The following CDYL variants were observed in gnomAD, a reference collection of about 807,000 sequenced individuals.
CDYL encodes the protein chromodomain Y like.
Under a neutral mutation model 47.3 loss-of-function variants are expected in CDYL, and 8 were observed. That is an observed-to-expected ratio of 0.17 (90% CI 0.10 to 0.31). The LOEUF is 0.31. CDYL is among the 10% of genes least tolerant of loss of function. The probability of loss-of-function intolerance (pLI) is 1.00; values close to 1 mark genes in which losing one functional copy is unlikely to be tolerated. For synonymous variants in CDYL, 266 were observed against 265.0 expected, an observed-to-expected ratio of 1.00 and a Z score of -0.04; for missense variants, 471 against 701.4, an observed-to-expected ratio of 0.67 and a Z score of 3.71.
At chr6:4,715,640 C>G in intron 1 of CDYL, 1 of 1,173,728 alleles carries the variant, frequency 8.5e-7, no homozygotes, top group South Asian at 1.8e-5. Context: ...GGCTCACTCT[C>G]AGATTCAATG....
At chr6:4,839,958 G>C (rs1760438830) in intron 1 of CDYL, among the ~76,000 whole-genome samples, 1 of 152,094 alleles carries the variant, frequency 6.6e-6, no homozygotes, top group Non-Finnish European at 1.5e-5. Flanking sequence ...TGTGAAGAAT[G>C]ATGGTGGTGT....
At chr6:4,714,089 C>T (rs909262180) in intron 1 of CDYL, 3 of 152,146 alleles carry the variant, frequency 2.0e-5, no homozygotes, top group African/African-American at 7.2e-5. Context: ...CAGATGCGAA[C>T]ACAGAGGGTT....
chr6:4,828,471 C>A (rs1449300848), intron 1 of CDYL, among the ~76,000 whole-genome samples: 4 of 152,074 alleles, frequency 2.6e-5, no homozygotes, highest in African/African-American at 9.7e-5. Flanking sequence ...TCCATGATTT[C>A]TGTTGAGAAA....
intron 1 of CDYL, among the ~76,000 whole-genome samples, chr6:4,842,038 T>TTA (rs1156803851): frequency 6.9e-6 from 1 of 144,900 alleles, no homozygotes; most frequent in African/African-American, 2.5e-5. Context: ...AATATATAAT[T>TTA]TATATATATT....
At chr6:4,875,428 A>C (rs1462305305) in intron 1 of CDYL, among the ~76,000 whole-genome samples, 5 of 152,114 alleles carry the variant, frequency 3.3e-5, no homozygotes, top group African/African-American at 1.2e-4. Context: ...ACAATATTTT[A>C]TTTGTCAACT....
chr6:4,819,862 C>G (rs1346969024), intron 1 of CDYL, among the ~76,000 whole-genome samples: 2 of 152,054 alleles, frequency 1.3e-5, no homozygotes, highest in Non-Finnish European at 2.9e-5. Context: ...ATAGGATGGC[C>G]CCACACCAAG....
chr6:4,788,269 C>T (rs1309132756), intron 1 of CDYL, among the ~76,000 whole-genome samples: 2 of 151,736 alleles, frequency 1.3e-5, no homozygotes, highest in Non-Finnish European at 2.9e-5. Flanking sequence ...GCAGGAGGAT[C>T]ACTTGAGGCC....
At chr6:4,822,178 G>C (rs1759858502) in intron 1 of CDYL, among the ~76,000 whole-genome samples, 1 of 151,564 alleles carries the variant, frequency 6.6e-6, no homozygotes, top group Admixed American at 6.6e-5. Flanking sequence ...TAGAGATGGG[G>C]TTGGCGGGGG....
At position 4,744,845 on chromosome 6, in the gene CDYL, C is replaced by CT. The variant is rs560667652; in HGVS notation, c.186+10011dup. Among the ~76,000 whole-genome samples, 14 of 150,148 alleles carry CT rather than the reference C, an allele frequency of 9.3e-5. No homozygotes were observed. In the South Asian group the frequency reaches 1.5e-3, roughly 16 times the overall value. ...AAATTGTTTGTAAAGTAGATTTGAG[C>CT]TTTTTTTTTTCTTCAAAGAAATGAC... On this transcript the variant is annotated intron_variant, in intron 3 of 8. Transcript: ENST00000328908.
rs547945490 is a variant in CDYL at position 4,725,925 on chromosome 6, A to T, written c.104-8837A>T. Among the ~76,000 whole-genome samples the T allele has an allele frequency of 2.6e-5, 4 of 151,968 alleles. No homozygotes were observed. In the South Asian group the frequency reaches 8.3e-4, roughly 32 times the overall value. ...TCCAAAATGTGTCCATTTTTGTCAAAGCCAAAAACAAAAGAGCAAATTACC... is the reference window on the plus strand; with the variant it reads ...TCCAAAATGTGTCCATTTTTGTCAATGCCAAAAACAAAAGAGCAAATTACC... On this transcript the variant is annotated intron_variant, in intron 2 of 8. Coordinates refer to the CDYL transcript ENST00000328908.
At chr6:4,713,674 G>C (rs1341231586) in intron 1 of CDYL, among the ~76,000 whole-genome samples, 2 of 149,746 alleles carry the variant, frequency 1.3e-5, no homozygotes, top group African/African-American at 5.0e-5. Context: ...TGCAGCCTCT[G>C]CCTCCTGGGT....
intron 1 of CDYL, among the ~76,000 whole-genome samples, chr6:4,707,507 C>T (rs956619394): frequency 5.9e-5 from 9 of 152,154 alleles, no homozygotes; most frequent in Admixed American, 3.3e-4. Context: ...CTCTTGACCT[C>T]GTGATCTGCC....
At chr6:4,832,712 C>T (rs1166842621) in intron 1 of CDYL, among the ~76,000 whole-genome samples, 4 of 147,650 alleles carry the variant, frequency 2.7e-5, no homozygotes, top group African/African-American at 1.0e-4. Context: ...GTCCTGGACT[C>T]TTTTTGGTTG....
intron 3 of CDYL, among the ~76,000 whole-genome samples, chr6:4,762,793 C>A (rs183957843): frequency 4.3e-4 from 65 of 151,780 alleles, no homozygotes; most frequent in Admixed American, 6.6e-4. Flanking sequence ...GATAATACAA[C>A]GCATAGGACT....
chr6:4,747,272 A>C (rs890828327), intron 3 of CDYL, among the ~76,000 whole-genome samples: 1 of 144,922 alleles, frequency 6.9e-6, no homozygotes, highest in African/African-American at 2.6e-5. Flanking sequence ...GTGCCACTGC[A>C]CTCCAGCCTG....
At chr6:4,935,850 C>G (rs1758176534) in intron 3 of CDYL, 79 bp downstream of exon 3, 3 of 1,579,718 alleles carry the variant, frequency 1.9e-6, no homozygotes, top group Non-Finnish European at 8.6e-7. Context: ...TGAACTGGCT[C>G]TTCCTGTGCT....
chr6:4,855,216 T>G (rs1760971177), intron 1 of CDYL, among the ~76,000 whole-genome samples: 1 of 152,186 alleles, frequency 6.6e-6, no homozygotes, highest in South Asian at 2.1e-4. Context: ...TTTAACCCTT[T>G]GAAGTAAAAT....
In CDYL at chr6:4,934,377, A is replaced by G. The variant is rs1322824649; in HGVS notation, c.692-1138A>G. 2.0e-5 allele frequency among the ~76,000 whole-genome samples: 3 copies of G among 152,126 alleles called. No homozygotes were observed. In the East Asian group the frequency reaches 5.8e-4, roughly 29 times the overall value. Reference sequence around the variant, plus strand: ...CTCTAGCAATTAAAATATTATTTCCACCAGTTGAATGAAAGTCAGGTTGTT... The same window carrying G: ...CTCTAGCAATTAAAATATTATTTCCGCCAGTTGAATGAAAGTCAGGTTGTT... On this transcript the variant is annotated intron_variant, in intron 2 of 6. Transcript: ENST00000397588.
At position 4,799,175 on chromosome 6, in the gene CDYL, T is replaced by G. The variant is rs547094877; in HGVS notation, c.24+22368T>G. Among the ~76,000 whole-genome samples the G allele has an allele frequency of 4.9e-4, 74 of 152,244 alleles. 2 individuals carry two copies. The highest frequency in any genetic ancestry group is 5.9e-4 in the Non-Finnish European group (40 of 68,040). On this transcript the variant is annotated intron_variant, in intron 1 of 6. Transcript: ENST00000397588. ...GATTTGTGATTTCTTCTTTGACCCC[T>G]GGGTTTAGAATTAGGTTAAATTGTG... is the stretch of plus-strand genomic sequence containing the variant.
Sources: gnomAD v4.1 joint callset for allele counts (sites outside exome capture counted in the v4.1 genomes callset) on GRCh38, gnomAD v4.1.1 for gene constraint, MANE v1.5 for transcripts, NCBI Gene and HGNC (gene_info 2026-07-23, HGNC 2026-07-21) for gene names.